HAUS8: variants seen among roughly 807,000 people sequenced by gnomAD.
HAUS8 encodes HAUS augmin like complex subunit 8, also known as HAUS augmin-like complex subunit 8.
Under a neutral mutation model 42.9 loss-of-function variants are expected in HAUS8, and 38 were observed. That is an observed-to-expected ratio of 0.89 (90% CI 0.68 to 1.16). HAUS8 has a LOEUF of 1.16. Ranked by LOEUF, HAUS8 falls within the 50% of genes most tolerant of loss-of-function variation. HAUS8 has a pLI of 0.00. For synonymous variants in HAUS8, 199 were observed against 205.8 expected, an observed-to-expected ratio of 0.97 and a Z score of 0.28; for missense variants, 494 against 511.6, an observed-to-expected ratio of 0.97 and a Z score of 0.33.
At chr19:17,055,834 C>A in intron 9 of HAUS8, 27 bp downstream of exon 9, 1 of 1,605,280 alleles carries the variant, frequency 6.2e-7, no homozygotes, top group Non-Finnish European at 8.5e-7. Flanking sequence ...GCCTGCTGCA[C>A]ACGCACTGGG....
rs371255039 is a variant in HAUS8 at position 17,072,503 on chromosome 19, C to T, written c.91+771G>A. The stretch of plus-strand genomic sequence containing the variant: ...GATTACAGGCACCTACCACCATGGC[C>T]GGCTAATTTTTGTATTTTTAGTAGA... On this transcript the variant is annotated intron_variant, in intron 2 of 10. Coordinates refer to ENST00000253669, the MANE Select transcript of HAUS8 (RefSeq NM_033417.2). Among the ~76,000 whole-genome samples the T allele has an allele frequency of 3.3e-5, 5 of 151,920 alleles. No individual in the cohort carries two copies. The East Asian group carries it at 5.8e-4, about 18-fold the overall frequency.
chr19:17,068,726 T>TG (rs2123380422), intron 3 of HAUS8, among the ~76,000 whole-genome samples: 1 of 152,046 alleles, frequency 6.6e-6, no homozygotes, highest in East Asian at 1.9e-4. Context: ...GTGATCACAC[T>TG]GCACTCCAGC....
intron 2 of HAUS8, among the ~76,000 whole-genome samples, chr19:17,072,740 C>T (rs2057435323): frequency 6.6e-6 from 1 of 151,786 alleles, no homozygotes; most frequent in Non-Finnish European, 1.5e-5. Context: ...AGGCCGTTAA[C>T]GGTGATCCCA....
intron 10 of HAUS8, among the ~76,000 whole-genome samples, chr19:17,051,239 G>A (rs529283185): frequency 7.2e-5 from 11 of 152,196 alleles, no homozygotes; most frequent in African/African-American, 2.4e-4. Flanking sequence ...AGAAAGAAAT[G>A]CCACAGTGGG....
In HAUS8 at chr19:17,052,828, C is replaced by T. The variant is rs747503889; in HGVS notation, c.926G>A (p.Arg309Gln). The part of the protein sequence containing the change: ...DVTAKKDLEL[R>Q]RSFAQVLELS... Reference sequence around the variant, plus strand: ...CTTAAAGCATTTTCCGAGGTACCTTCGGAGCTCAAGGTCCTTTTTCGCCGT... The same window carrying T: ...CTTAAAGCATTTTCCGAGGTACCTTTGGAGCTCAAGGTCCTTTTTCGCCGT... Residue 309 changes from arginine to glutamine, a missense_variant, in exon 10 of 11, where the codon CGA becomes CAA. By Grantham distance (43) the Arg-to-Gln change is conservative. Transcript: ENST00000253669. The T allele has an allele frequency of 8.7e-6, 14 of 1,614,058 alleles. No homozygotes were observed. The highest frequency in any genetic ancestry group is 3.3e-5 in the South Asian group (3 of 91,084).
chr19:17,056,913 T>C (rs73504817), intron 8 of HAUS8, among the ~76,000 whole-genome samples: 46,418 of 151,896 alleles, frequency 0.31, 7,408 homozygotes, highest in African/African-American at 0.38. Context: ...CAGATCTTAC[T>C]GTGTTGCCCA....
At chr19:17,052,795 A>G in intron 10 of HAUS8, 30 bp downstream of exon 10, 1 of 1,613,718 alleles carries the variant, frequency 6.2e-7, no homozygotes, top group Non-Finnish European at 8.5e-7. Flanking sequence ...ACAGGGTGCC[A>G]CCTCTTTCTT....
chr19:17,067,690 T>C (rs2057395270), intron 3 of HAUS8, among the ~76,000 whole-genome samples: 1 of 152,218 alleles, frequency 6.6e-6, no homozygotes, highest in South Asian at 2.1e-4. Context: ...TGTTGAAAAC[T>C]GCTCTGAGAA....
chr19:17,060,997 A>G (rs187177416), intron 4 of HAUS8, among the ~76,000 whole-genome samples: 31 of 152,342 alleles, frequency 2.0e-4, no homozygotes, highest in Non-Finnish European at 1.5e-5. Context: ...AGGTCACTGC[A>G]ATGTGTAGGG....
chr19:17,059,536 C>A, intron 6 of HAUS8, 21 bp downstream of exon 6: 1 of 1,553,928 alleles, frequency 6.4e-7, no homozygotes, highest in Non-Finnish European at 8.9e-7. Flanking sequence ...CTGTGGCTGC[C>A]CTCTTCTTTC....
chr19:17,069,197 G>T, intron 2 of HAUS8, 111 bp from the exon 3 acceptor site: 2 of 886,534 alleles, frequency 2.3e-6, no homozygotes, highest in South Asian at 1.4e-5. Context: ...TCCACTCAGT[G>T]ACCAGAACAG....
In HAUS8 at chr19:17,058,733, A is replaced by T. The variant is rs756618249; in HGVS notation, c.487-26T>A. Reference sequence around the variant, plus strand: ...CTGTTAAATGTGAAAGAAAAGCTCAAGCAGGTGGGGACTCCCTCCCCGTGA... The same window carrying T: ...CTGTTAAATGTGAAAGAAAAGCTCATGCAGGTGGGGACTCCCTCCCCGTGA... On this transcript the variant is annotated intron_variant, in intron 7 of 10. Transcript: ENST00000253669. 5 of 1,604,244 alleles carry T rather than the reference A, an allele frequency of 3.1e-6. No homozygotes were observed. In the Admixed American group the frequency reaches 5.2e-5, roughly 17 times the overall value.
chr19:17,056,416 G>C (rs2057327002), intron 8 of HAUS8, among the ~76,000 whole-genome samples: 1 of 152,146 alleles, frequency 6.6e-6, no homozygotes, highest in Non-Finnish European at 1.5e-5. Context: ...ATCAACCCCT[G>C]TGCAGTCAAA....
intron 8 of HAUS8, among the ~76,000 whole-genome samples, chr19:17,058,035 A>C (rs911251514): frequency 6.6e-6 from 1 of 152,236 alleles, no homozygotes; most frequent in Admixed American, 6.5e-5. Context: ...CCTGAACCGT[A>C]AGAGAATGAA....
At chr19:17,061,146 T>C in intron 4 of HAUS8, among the ~76,000 whole-genome samples, 1 of 151,908 alleles carries the variant, frequency 6.6e-6, no homozygotes, top group Non-Finnish European at 1.5e-5. Flanking sequence ...TTTTTTTTTT[T>C]TTGAGACAGG....
intron 3 of HAUS8, among the ~76,000 whole-genome samples, chr19:17,066,645 G>T (rs1194790262): frequency 1.3e-5 from 2 of 152,192 alleles, no homozygotes; most frequent in African/African-American, 4.8e-5. Context: ...GCTGGTGGCT[G>T]CTGCTTGCTG....
chr19:17,065,896 G>C (rs1256831851), intron 3 of HAUS8, among the ~76,000 whole-genome samples: 1 of 151,610 alleles, frequency 6.6e-6, no homozygotes, highest in African/African-American at 2.4e-5. Flanking sequence ...ATTCCCAAAG[G>C]GTGGTATGCC....
chr19:17,059,683 G>A, intron 5 of HAUS8, 32 bp from the exon 6 acceptor site: 1 of 1,492,958 alleles, frequency 6.7e-7, no homozygotes, highest in Non-Finnish European at 9.3e-7. Flanking sequence ...TTAATGGCAA[G>A]TAGCGTATAT....
At chr19:17,053,258 T>C (rs1192832855) in intron 9 of HAUS8, 3 of 411,700 alleles carry the variant, frequency 7.3e-6, no homozygotes, top group South Asian at 2.7e-5. Flanking sequence ...AGGGCTGTGC[T>C]GTGCCAGGGA....
Sources: gnomAD v4.1 joint callset for allele counts (sites outside exome capture counted in the v4.1 genomes callset) on GRCh38, gnomAD v4.1.1 for gene constraint, MANE v1.5 for transcripts, NCBI Gene and HGNC (gene_info 2026-07-23, HGNC 2026-07-21) for gene names.